The following CFAP91 variants were observed in gnomAD, a reference collection of about 807,000 sequenced individuals.
CFAP91 encodes the protein cilia and flagella associated protein 91.
CFAP91 carries 85 observed loss-of-function variants against 95.9 expected under a neutral mutation model. The observed-to-expected ratio is 0.89, with a 90% CI of 0.74 to 1.06. The LOEUF (loss-of-function observed/expected upper bound fraction) is 1.06. Ranked by LOEUF, CFAP91 falls within the 50% of genes least tolerant of loss-of-function variation. The pLI is 0.00. For missense variants in CFAP91, 962 were observed against 943.4 expected (o/e 1.02, Z -0.26); for synonymous variants, 335 against 327.5 (o/e 1.02, Z -0.25).
chr3:119,706,786 C>G, intron 1 of CFAP91, 23 bp from the exon 2 acceptor site: 1 of 1,570,086 alleles, frequency 6.4e-7, no homozygotes, highest in Non-Finnish European at 8.8e-7. Flanking sequence ...ATCTGTTATG[C>G]TACTTGATTG....
intron 13 of CFAP91, among the ~76,000 whole-genome samples, chr3:119,743,230 GC>G (rs960884321): frequency 9.9e-5 from 15 of 151,058 alleles, no homozygotes; most frequent in African/African-American, 3.7e-4. Flanking sequence ...CAATTCTCCT[GC>G]CTCAGGCTCC....
At chr3:119,756,067 A>C (rs1045855204) in intron 17 of CFAP91, among the ~76,000 whole-genome samples, 3 of 152,204 alleles carry the variant, frequency 2.0e-5, no homozygotes, top group Non-Finnish European at 4.4e-5. Flanking sequence ...AAACGATAAA[A>C]GACTTGTTTT....
Position 119,764,262 on chromosome 3 carries a change from A to G in CFAP91, c.*2-790A>G, listed in dbSNP as rs1402968675. Among the ~76,000 whole-genome samples, 3 of 152,266 alleles carry G rather than the reference A, an allele frequency of 2.0e-5. 1 individual carries two copies. Among genetic ancestry groups the G allele is most frequent in the African/African-American group, 7.2e-5 (3 of 41,576 alleles). On this transcript the variant is annotated intron_variant, in intron 17 of 17. Transcript: ENST00000273390. ...TCCATGGATAACTGCTCTTCAGGAC[A>G]TTCATAAGCAGGGCTGCTCCTGGTA...
At chr3:119,743,348 C>T (rs1322872749) in intron 13 of CFAP91, among the ~76,000 whole-genome samples, 2 of 152,102 alleles carry the variant, frequency 1.3e-5, no homozygotes. Flanking sequence ...GAACTCCTGA[C>T]CTCAGGTGAT....
At chr3:119,705,136 T>C (rs1282660555) in intron 1 of CFAP91, among the ~76,000 whole-genome samples, 1 of 152,056 alleles carries the variant, frequency 6.6e-6, no homozygotes, top group African/African-American at 2.4e-5. Flanking sequence ...TTTCTCTTAC[T>C]ATGATAGGGA....
At chr3:119,734,287 A>G (rs2053958901) in intron 10 of CFAP91, among the ~76,000 whole-genome samples, 1 of 152,202 alleles carries the variant, frequency 6.6e-6, no homozygotes, top group East Asian at 1.9e-4. Context: ...TAGTTAATAA[A>G]AATTGATGGG....
At position 119,750,921 on chromosome 3, in the gene CFAP91, T is replaced by A. The variant is rs1361919930; in HGVS notation, c.2144-16T>A. On this transcript the variant is annotated splice_polypyrimidine_tract_variant and intron_variant, in intron 16 of 17. Transcript: ENST00000273390. ...CAGACTTTCAGAATGAAAATTTTTCTATTACTTTGGCACAGTGAGGAACGC... is the reference window on the plus strand; with the variant it reads ...CAGACTTTCAGAATGAAAATTTTTCAATTACTTTGGCACAGTGAGGAACGC... 6.2e-7 allele frequency: 1 copy of A among 1,613,704 alleles called. No homozygotes were observed. Among genetic ancestry groups the A allele is most frequent in the Admixed American group, 1.7e-5 (1 of 59,958 alleles).
rs761031580 is a variant in CFAP91 at position 119,703,208 on chromosome 3, A to G, written c.110A>G (p.Tyr37Cys). 6.2e-6 allele frequency: 10 copies of G among 1,612,232 alleles called. No homozygotes were observed. Among genetic ancestry groups the G allele is most frequent in the Middle Eastern group, 3.3e-4 (2 of 6,032 alleles). The change falls in exon 1 of 18, where the codon TAT (tyrosine) becomes TGT (cysteine). Residue 37 changes from tyrosine to cysteine, a missense_variant. By Grantham distance (194) the Tyr-to-Cys change is radical. Transcript: ENST00000273390. ...AGSHISSNRA[Y>C]DFLYDPLFIV... is the part of the protein sequence containing the mutation. Reference sequence around the variant, plus strand: ...AGCCACATCTCCTCCAATCGAGCGTATGATTTTCTGTACGGTAAGGACCGC... The same window carrying G: ...AGCCACATCTCCTCCAATCGAGCGTGTGATTTTCTGTACGGTAAGGACCGC...
intron 6 of CFAP91, among the ~76,000 whole-genome samples, chr3:119,719,436 A>T (rs188258838): frequency 2.0e-5 from 3 of 152,208 alleles, no homozygotes; most frequent in African/African-American, 7.2e-5. Flanking sequence ...GATAAGGGAA[A>T]AATAACGACA....
chr3:119,703,763 G>A (rs922030279), intron 1 of CFAP91, among the ~76,000 whole-genome samples: 2 of 151,726 alleles, frequency 1.3e-5, no homozygotes, highest in African/African-American at 4.8e-5. Context: ...TTAACGGCTT[G>A]GTTGTCCATT....
At chr3:119,723,245 C>T (rs1000774554) in intron 6 of CFAP91, among the ~76,000 whole-genome samples, 1 of 152,142 alleles carries the variant, frequency 6.6e-6, no homozygotes, top group Middle Eastern at 3.2e-3. Context: ...GGAGAGGAAC[C>T]ATTAGGGGAT....
rs761545403 is a variant in CFAP91 at position 119,730,237 on chromosome 3, TG to T, written c.880del (p.Glu294LysfsTer3). On this transcript the variant is annotated frameshift_variant, in exon 8 of 18. Transcript: ENST00000273390. LOFTEE classifies it high-confidence loss of function. ...QEIEKLQEIR[L>X]EVLKELLRKR... ...ACTTGAAGACTGCAGGAGATTCGCC[TG>T]GAAGTTCTAAAAGAGCTGTTGAGGA... The T allele has an allele frequency of 8.1e-6, 13 of 1,613,598 alleles. No individual in the cohort carries two copies. The highest frequency in any genetic ancestry group is 4.0e-5 in the African/African-American group (3 of 74,842).
intron 6 of CFAP91, among the ~76,000 whole-genome samples, chr3:119,720,061 C>T (rs755155359): frequency 1.4e-5 from 2 of 146,728 alleles, no homozygotes; most frequent in Admixed American, 7.0e-5. Flanking sequence ...GGTGACAGAG[C>T]GAGACTCCGT....
chr3:119,730,672 C>T (rs1054215434), intron 8 of CFAP91, among the ~76,000 whole-genome samples: 3 of 148,506 alleles, frequency 2.0e-5, no homozygotes, highest in Admixed American at 6.8e-5. Context: ...GTTGGGTTCC[C>T]CATATTCATG....
At position 119,752,018 on chromosome 3, in the gene CFAP91, T is replaced by C. The variant is rs57763627; in HGVS notation, c.*1+920T>C. 3.1e-3 allele frequency among the ~76,000 whole-genome samples: 465 copies of C among 152,332 alleles called. 3 individuals are homozygous for C. The highest frequency in any genetic ancestry group is 0.011 in the African/African-American group (438 of 41,570). ...TGCTTAGTAACACAGTTGACACATA[T>C]CACCTTATCAAGTTACTAGGAGAAT... On this transcript the variant is annotated intron_variant, in intron 17 of 17. Coordinates refer to ENST00000273390, the MANE Select transcript of CFAP91 (RefSeq NM_033364.4).
Position 119,743,985 on chromosome 3 carries a change from T to C in CFAP91, c.1691T>C (p.Val564Ala). The C allele has an allele frequency of 6.2e-7, 1 of 1,607,102 alleles. No individual in the cohort carries two copies. Among genetic ancestry groups the C allele is most frequent in the Non-Finnish European group, 8.5e-7 (1 of 1,175,812 alleles). The change falls in exon 14 of 18, where the codon GTT (valine) becomes GCT (alanine). Residue 564 changes from valine (V) to alanine (A), a missense_variant. Val to Ala is a moderately conservative substitution (Grantham distance 64). Coordinates refer to ENST00000273390, the MANE Select transcript of CFAP91 (RefSeq NM_033364.4). ...GTTATTCTTTTCAAGGTGTCACTGG[T>C]TGAAAACCATTTGGCCGGACTGGAA... ...RNLHEHKVSL[V>A]ENHLAGLEGR...
At chr3:119,756,908 T>C (rs1168493258) in intron 17 of CFAP91, among the ~76,000 whole-genome samples, 2 of 152,162 alleles carry the variant, frequency 1.3e-5, no homozygotes, top group East Asian at 3.8e-4. Flanking sequence ...ATTTTATCAC[T>C]GACTACATTA....
chr3:119,737,546 T>C, intron 11 of CFAP91, 64 bp downstream of exon 11: 1 of 1,007,020 alleles, frequency 9.9e-7, no homozygotes, highest in Admixed American at 2.2e-5. Flanking sequence ...ATTCTTAGGA[T>C]AGTTTAGCTT....
At chr3:119,745,818 T>C (rs2054210587) in intron 14 of CFAP91, among the ~76,000 whole-genome samples, 1 of 152,232 alleles carries the variant, frequency 6.6e-6, no homozygotes, top group South Asian at 2.1e-4. Context: ...ATTGAGACTC[T>C]CCCATAGAGA....
Sources: allele counts gnomAD v4.1 joint callset (sites outside exome capture counted in the v4.1 genomes callset), GRCh38; gene constraint gnomAD v4.1.1; transcripts MANE v1.5; gene names NCBI Gene and HGNC (gene_info 2026-07-23, HGNC 2026-07-21).